FBXL7: variants seen among roughly 807,000 people sequenced by gnomAD.
The protein encoded by FBXL7 is F-box/LRR-repeat protein 7.
FBXL7 carries 12 observed loss-of-function variants against 38.3 expected under a neutral mutation model. The ratio of observed to expected loss-of-function variants is 0.31; its 90% confidence interval spans 0.20 to 0.51. The LOEUF (loss-of-function observed/expected upper bound fraction) is 0.51. Among genes scored for constraint, FBXL7 ranks in the 20% least tolerant of loss-of-function variants. FBXL7 has a pLI of 0.98. For missense variants in FBXL7, 567 were observed against 676.4 expected (o/e 0.84, Z 1.79); for synonymous variants, 297 against 300.9 (o/e 0.99, Z 0.13).
chr5:15,582,728 A>G (rs1324638363), intron 1 of FBXL7, among the ~76,000 whole-genome samples: 1 of 152,236 alleles, frequency 6.6e-6, no homozygotes, highest in African/African-American at 2.4e-5. Context: ...CTGCGTTTAC[A>G]TTCAATACAT....
chr5:15,590,802 A>G (rs1375738267), intron 1 of FBXL7, among the ~76,000 whole-genome samples: 2 of 152,134 alleles, frequency 1.3e-5, no homozygotes, highest in African/African-American at 4.8e-5. Flanking sequence ...CCCAGCTCCT[A>G]AGTCCTGCTC....
rs148705321 is a variant in FBXL7, at chr5:15,704,880, C to T, written c.127+88808C>T. Among the ~76,000 whole-genome samples, 442 of 151,948 alleles carry T rather than the reference C, an allele frequency of 2.9e-3. 3 individuals carry two copies. Among genetic ancestry groups the T allele is most frequent in the African/African-American group, 0.01 (423 of 41,452 alleles). On this transcript the variant is annotated intron_variant, in intron 2 of 3. Coordinates refer to ENST00000504595, the MANE Select transcript of FBXL7 (RefSeq NM_012304.5). ...CTCAATCCCACCTATTCTTTTTTCT[C>T]ACTTTCTTAAATCCCAGTAATTATC...
intron 1 of FBXL7, among the ~76,000 whole-genome samples, chr5:15,541,461 A>ATATG (rs1561021108): frequency 8.2e-6 from 1 of 122,540 alleles, no homozygotes; most frequent in Non-Finnish European, 1.7e-5. Context: ...ATATATATAT[A>ATATG]TATATATATA....
chr5:15,935,067 G>C (rs535545855), intron 3 of FBXL7: 3 of 502,346 alleles, frequency 6.0e-6, no homozygotes, highest in Non-Finnish European at 1.3e-5. Context: ...GGAGGGCTAA[G>C]GGAAGCCATT....
chr5:15,829,102 G>C (rs1235915380), intron 2 of FBXL7, among the ~76,000 whole-genome samples: 1 of 152,160 alleles, frequency 6.6e-6, no homozygotes, highest in Non-Finnish European at 1.5e-5. Context: ...TTTTAATATA[G>C]CTTGAGTTCT....
chr5:15,925,996 T>C (rs907023631), intron 2 of FBXL7, among the ~76,000 whole-genome samples: 1 of 152,196 alleles, frequency 6.6e-6, no homozygotes, highest in African/African-American at 2.4e-5. Context: ...AATGACTTTG[T>C]TACTGTAGGC....
At chr5:15,763,720 G>A (rs543075093) in intron 2 of FBXL7, among the ~76,000 whole-genome samples, 1 of 152,294 alleles carries the variant, frequency 6.6e-6, no homozygotes, top group South Asian at 2.1e-4. Context: ...AATGCGTGAT[G>A]TTCAATTTGA....
At chr5:15,785,805 C>T (rs1230737063) in intron 2 of FBXL7, among the ~76,000 whole-genome samples, 1 of 152,196 alleles carries the variant, frequency 6.6e-6, no homozygotes, top group African/African-American at 2.4e-5. Flanking sequence ...CCTTTTAAGC[C>T]CCCTCGCAGT....
At chr5:15,920,256 CAA>C (rs59381588) in intron 2 of FBXL7, among the ~76,000 whole-genome samples, 19 of 140,166 alleles carry the variant, frequency 1.4e-4, no homozygotes, top group African/African-American at 4.1e-4. Flanking sequence ...GACTCCATCT[CAA>C]AAAAAAAAAA....
intron 2 of FBXL7, among the ~76,000 whole-genome samples, chr5:15,768,836 T>C (rs767907326): frequency 9.9e-5 from 15 of 152,150 alleles, no homozygotes; most frequent in Non-Finnish European, 1.9e-4. Context: ...GACTACACAG[T>C]AGAGATGGAG....
At chr5:15,834,737 GTTC>G (rs1003874037) in intron 2 of FBXL7, among the ~76,000 whole-genome samples, 1 of 152,204 alleles carries the variant, frequency 6.6e-6, no homozygotes, top group Non-Finnish European at 1.5e-5. Context: ...ACCTGACAAA[GTTC>G]TTAATGCTTT....
intron 2 of FBXL7, among the ~76,000 whole-genome samples, chr5:15,739,476 C>G (rs1159073323): frequency 6.6e-6 from 1 of 152,122 alleles, no homozygotes; most frequent in African/African-American, 2.4e-5. Context: ...ACAACCGTCA[C>G]CACAATCTAA....
intron 2 of FBXL7, among the ~76,000 whole-genome samples, chr5:15,914,036 A>G (rs1439764320): frequency 6.6e-6 from 1 of 152,206 alleles, no homozygotes; most frequent in African/African-American, 2.4e-5. Flanking sequence ...GGCCAATGTA[A>G]AAGTGTTACT....
intron 1 of FBXL7, chr5:15,580,655 A>C: frequency 1.0e-6 from 1 of 985,434 alleles, no homozygotes; most frequent in Non-Finnish European, 1.2e-6. Flanking sequence ...GAAAATATCA[A>C]AGGCAACATG....
chr5:15,683,279 T>G (rs892952917), intron 2 of FBXL7, among the ~76,000 whole-genome samples: 1 of 152,212 alleles, frequency 6.6e-6, no homozygotes, highest in African/African-American at 2.4e-5. Context: ...TAAAATGTTG[T>G]GAGTATATTT....
rs60269538 is a variant in FBXL7, at chr5:15,929,625, G to GAA, written c.739+1143_739+1144dup. Among the ~76,000 whole-genome samples, 64 of 113,514 alleles carry GAA rather than the reference G, an allele frequency of 5.6e-4. No homozygotes were observed. In the East Asian group the frequency reaches 0.011, roughly 20 times the overall value. 74.5% of individuals were successfully genotyped at this position (113,514 alleles called of 152,430 possible). On this transcript the variant is annotated intron_variant, in intron 3 of 3. Transcript: ENST00000504595. ...GAGGACAGAGTGAGACCCTGTCTCT[G>GAA]AAAAAAAAAAAAAAAAAAAAGAAAA...
At chr5:15,810,040 T>C (rs1737817778) in intron 2 of FBXL7, among the ~76,000 whole-genome samples, 1 of 152,224 alleles carries the variant, frequency 6.6e-6, no homozygotes, top group Non-Finnish European at 1.5e-5. Context: ...TAATCTATTT[T>C]GGTGGGGTAT....
chr5:15,870,160 G>A (rs1034420835), intron 2 of FBXL7, among the ~76,000 whole-genome samples: 28 of 152,164 alleles, frequency 1.8e-4, no homozygotes, highest in African/African-American at 5.5e-4. Context: ...GGTGAGGGGG[G>A]AAAAGAAGGG....
chr5:15,859,941 CAT>C (rs753440543), intron 2 of FBXL7, among the ~76,000 whole-genome samples: 10 of 152,164 alleles, frequency 6.6e-5, no homozygotes, highest in Non-Finnish European at 1.0e-4. Context: ...AGGCTTGACT[CAT>C]AAGTTTATCC....
Sources: gnomAD v4.1 joint callset for allele counts (sites outside exome capture counted in the v4.1 genomes callset) on GRCh38, gnomAD v4.1.1 for gene constraint, MANE v1.5 for transcripts, NCBI Gene and HGNC (gene_info 2026-07-23, HGNC 2026-07-21) for gene names.